The following CLIP2 variants were observed in gnomAD, a reference collection of about 807,000 sequenced individuals.
CLIP2 encodes the protein CAP-Gly domain-containing linker protein 2.
Under a neutral mutation model 111.7 loss-of-function variants are expected in CLIP2, and 41 were observed. That is an observed-to-expected ratio of 0.37 (90% CI 0.29 to 0.48). The LOEUF (loss-of-function observed/expected upper bound fraction) is 0.48, where lower values mean the gene tolerates loss of function less well. CLIP2 is among the 20% of genes least tolerant of loss of function. The pLI is 0.99. For synonymous variants in CLIP2, 660 were observed against 644.2 expected, an observed-to-expected ratio of 1.02 and a Z score of -0.37; for missense variants, 1,160 against 1,422.1, an observed-to-expected ratio of 0.82 and a Z score of 2.96.
At chr7:74,364,594 G>T (rs1790423025) in intron 8 of CLIP2, among the ~76,000 whole-genome samples, 1 of 152,192 alleles carries the variant, frequency 6.6e-6, no homozygotes, top group South Asian at 2.1e-4. Context: ...GGATAGAGTG[G>T]CTGAGGTCCC....
rs1790095871 is a variant in CLIP2 at position 74,354,513 on chromosome 7, G to C, written c.803+509G>C. Among the ~76,000 whole-genome samples, 3 of 152,154 alleles carry C rather than the reference G, an allele frequency of 2.0e-5. No homozygotes were observed. In the South Asian group the frequency reaches 6.2e-4, roughly 31 times the overall value. On this transcript the variant is annotated intron_variant, in intron 4 of 16. Coordinates refer to ENST00000223398, the MANE Select transcript of CLIP2 (RefSeq NM_003388.5). ...GCCTGTAATCCCAGCTACTTAGGTA[G>C]CTGAGGCACGAGAATCACTTGAACT... is the stretch of plus-strand genomic sequence containing the variant.
chr7:74,374,288 C>A (rs1554312405), intron 9 of CLIP2, among the ~76,000 whole-genome samples: 1 of 152,216 alleles, frequency 6.6e-6, no homozygotes, highest in African/African-American at 2.4e-5. Flanking sequence ...CTGGCCATTG[C>A]TCAGTGACCA....
intron 6 of CLIP2, among the ~76,000 whole-genome samples, chr7:74,359,639 G>A (rs1270338574): frequency 6.6e-6 from 1 of 152,174 alleles, no homozygotes; most frequent in Non-Finnish European, 1.5e-5. Context: ...ACAGGCAGGA[G>A]CCACTGCACC....
intron 1 of CLIP2, among the ~76,000 whole-genome samples, chr7:74,315,653 C>T (rs1564033104): frequency 1.3e-5 from 2 of 151,974 alleles, no homozygotes; most frequent in African/African-American, 4.8e-5. Flanking sequence ...TCACTGCAGC[C>T]TCCTCCTCCT....
intron 14 of CLIP2, among the ~76,000 whole-genome samples, chr7:74,400,015 C>T (rs1371873367): frequency 4.0e-5 from 6 of 151,398 alleles, no homozygotes; most frequent in African/African-American, 1.5e-4. Context: ...ATTAGCGGGG[C>T]GTGGTGGTGG....
chr7:74,367,571 C>T (rs994440531), intron 8 of CLIP2, among the ~76,000 whole-genome samples: 9 of 152,102 alleles, frequency 5.9e-5, no homozygotes, highest in Non-Finnish European at 1.3e-4. Flanking sequence ...AGCGATCCTC[C>T]CACCCTAGCC....
At chr7:74,335,674 CCTTG>C (rs782440409) in intron 2 of CLIP2, among the ~76,000 whole-genome samples, 1,398 of 130,626 alleles carry the variant, frequency 0.011, 23 homozygotes, top group Non-Finnish European at 0.017. Context: ...TTCCTTCCTT[CCTTG>C]CTTCCTTCCT....
intron 3 of CLIP2, among the ~76,000 whole-genome samples, chr7:74,342,615 G>C (rs1789688840): frequency 6.6e-6 from 1 of 152,052 alleles, no homozygotes; most frequent in Non-Finnish European, 1.5e-5. Flanking sequence ...GATCGGAGGA[G>C]GCAAGAGTGG....
At chr7:74,345,457 T>C (rs1789775402) in intron 3 of CLIP2, among the ~76,000 whole-genome samples, 1 of 151,944 alleles carries the variant, frequency 6.6e-6, no homozygotes, top group Non-Finnish European at 1.5e-5. Flanking sequence ...GGTCTTGAAC[T>C]CCTGGCCTCA....
At chr7:74,374,407 C>A (rs1790720011) in intron 9 of CLIP2, among the ~76,000 whole-genome samples, 2 of 152,148 alleles carry the variant, frequency 1.3e-5, no homozygotes, top group Admixed American at 6.6e-5. Flanking sequence ...TAGGGTTCAA[C>A]CTGATGAAAA....
At chr7:74,363,523 C>T (rs1285615065) in intron 7 of CLIP2, among the ~76,000 whole-genome samples, 1 of 152,202 alleles carries the variant, frequency 6.6e-6, no homozygotes, top group Non-Finnish European at 1.5e-5. Flanking sequence ...AGCCCACTTT[C>T]CTTCTCTCCT....
chr7:74,338,067 G>C lies in CLIP2; in HGVS notation c.122-381G>C. 6.6e-6 allele frequency among the ~76,000 whole-genome samples: 1 copy of C among 152,148 alleles called. No homozygotes were observed. Among genetic ancestry groups the C allele is most frequent in the Admixed American group, 6.6e-5 (1 of 15,254 alleles). On this transcript the variant is annotated intron_variant, in intron 2 of 16. Transcript: ENST00000223398. The surrounding 1 kb of genome is among the most constrained non-coding windows in gnomAD (Gnocchi z 4.3). ...AAAATACAAAAATTAGCCCAGTGTAGTGGCAGGTGTCTGTGGTTTCAGCTA... is the reference window on the plus strand; with the variant it reads ...AAAATACAAAAATTAGCCCAGTGTACTGGCAGGTGTCTGTGGTTTCAGCTA...
chr7:74,357,139 G>T (rs1790169730), intron 5 of CLIP2, 141 bp from the exon 6 acceptor site: 2 of 668,116 alleles, frequency 3.0e-6, no homozygotes, highest in South Asian at 1.8e-5. Flanking sequence ...CAGAGTACTG[G>T]CAGGGGAAGA....
chr7:74,378,558 A>G (rs782500658), intron 10 of CLIP2, among the ~76,000 whole-genome samples: 5 of 152,066 alleles, frequency 3.3e-5, no homozygotes, highest in Admixed American at 1.3e-4. Context: ...TGGACAACAT[A>G]GTTAGACCCC....
rs549236758 is a variant in CLIP2 at position 74,349,052 on chromosome 7, G to A, written c.679-4828G>A. On this transcript the variant is annotated intron_variant, in intron 3 of 16. Coordinates refer to ENST00000223398, the MANE Select transcript of CLIP2 (RefSeq NM_003388.5). ...ACATTATTCATAATAGCCAAAAAGT[G>A]GAAGCAACCCAATTGTCCATCAACA... 5.1e-4 allele frequency among the ~76,000 whole-genome samples: 77 copies of A among 152,112 alleles called. No homozygotes were observed. The South Asian group carries it at 0.015, about 30-fold the overall frequency.
At chr7:74,383,917 C>A (rs554829765) in intron 11 of CLIP2, among the ~76,000 whole-genome samples, 50 of 152,198 alleles carry the variant, frequency 3.3e-4, no homozygotes, top group Non-Finnish European at 4.6e-4. Flanking sequence ...CCCCCCAGCC[C>A]ATCACAACCA....
intron 3 of CLIP2, among the ~76,000 whole-genome samples, chr7:74,347,554 C>T (rs968527551): frequency 6.6e-6 from 1 of 152,146 alleles, no homozygotes; most frequent in South Asian, 2.1e-4. Flanking sequence ...AGGCGTGAGC[C>T]ACCGCGTCCG....
chr7:74,310,245 CTG>C (rs782810860), intron 1 of CLIP2, among the ~76,000 whole-genome samples: 3 of 151,074 alleles, frequency 2.0e-5, no homozygotes, highest in Non-Finnish European at 2.9e-5. Flanking sequence ...AAAATGAAGA[CTG>C]GTCATGGCGG....
intron 1 of CLIP2, among the ~76,000 whole-genome samples, chr7:74,310,912 G>A (rs554430185): frequency 1.3e-5 from 2 of 151,380 alleles, no homozygotes; most frequent in South Asian, 2.1e-4. Flanking sequence ...ATGGGGTTTC[G>A]CCATGTTGCC....
Sources: gnomAD v4.1 joint callset for allele counts (sites outside exome capture counted in the v4.1 genomes callset) on GRCh38, gnomAD v4.1.1 for gene constraint, Gnocchi (gnomAD v3.1) non-coding constraint, MANE v1.5 for transcripts, NCBI Gene and HGNC (gene_info 2026-07-23, HGNC 2026-07-21) for gene names.